The following ZNF726 variants were observed in gnomAD, a reference collection of about 807,000 sequenced individuals.
The protein encoded by ZNF726 is zinc finger protein 92 pseudogene 3.
ZNF726 carries 15 observed loss-of-function variants against 11.6 expected under a neutral mutation model. The ratio of observed to expected loss-of-function variants is 1.29; its 90% confidence interval spans 0.86 to 1.99. ZNF726 has a LOEUF of 1.99. ZNF726 is among the 30% of genes most tolerant of loss of function. The pLI is 0.00. For missense variants in ZNF726, 890 were observed against 725.6 expected, an observed-to-expected ratio of 1.23 and a Z score of -2.60; for synonymous variants, 295 against 243.6, an observed-to-expected ratio of 1.21 and a Z score of -1.96.
At chr19:23,934,794 C>T (rs1968200155), downstream of ZNF726, among the ~76,000 whole-genome samples, 1 of 152,210 alleles carries the variant, frequency 6.6e-6, no homozygotes, top group African/African-American at 2.4e-5. Flanking sequence ...AGAGTTACTA[C>T]CAGAATTCAA....
At chr19:23,942,661 T>G (rs1269858271) in intron 3 of ZNF726, among the ~76,000 whole-genome samples, 2 of 152,206 alleles carry the variant, frequency 1.3e-5, no homozygotes, top group Admixed American at 6.5e-5. Flanking sequence ...TGCATATATG[T>G]TTAGGATTGT....
At chr19:23,936,421 G>A (rs1271602528), downstream of ZNF726, among the ~76,000 whole-genome samples, 3 of 152,076 alleles carry the variant, frequency 2.0e-5, no homozygotes, top group Non-Finnish European at 4.4e-5. Flanking sequence ...TTTTAAAAAA[G>A]CAAATAATGG....
At chr19:23,923,184 T>C (rs1967895531) in intron 3 of ZNF726, among the ~76,000 whole-genome samples, 1 of 152,102 alleles carries the variant, frequency 6.6e-6, no homozygotes, top group Non-Finnish European at 1.5e-5. Flanking sequence ...CTAACCATAT[T>C]CTGCTAAATA....
chr19:23,941,213 T>C (rs773518107), intron 3 of ZNF726, among the ~76,000 whole-genome samples: 2 of 152,078 alleles, frequency 1.3e-5, no homozygotes, highest in Non-Finnish European at 2.9e-5. Flanking sequence ...TGTCAAATGG[T>C]TTTTCTGCAT....
intron 3 of ZNF726, 43 bp from the exon 4 acceptor site, chr19:23,932,300 G>A: frequency 1.6e-6 from 2 of 1,233,016 alleles, no homozygotes; most frequent in Non-Finnish European, 2.1e-6. Flanking sequence ...CTATATTTAT[G>A]TCAGTATAGT....
chr19:23,937,829 C>A (rs867955277), downstream of ZNF726, among the ~76,000 whole-genome samples: 1 of 152,206 alleles, frequency 6.6e-6, no homozygotes. Context: ...GCCGAGATCA[C>A]GCCACTGCAC....
In ZNF726 at chr19:23,932,683, C is replaced by T. The variant is rs1404440246; in HGVS notation, c.567C>T (p.Thr189=). The T allele has an allele frequency of 1.3e-6, 2 of 1,589,966 alleles. No individual in the cohort carries two copies. Among genetic ancestry groups the T allele is most frequent in the African/African-American group, 2.7e-5 (2 of 73,556 alleles). ...CATTTTGCATGTTTTCACACAAAACCCAGCATAAAAGCATATATACTACAG... is the reference window on the plus strand; with the variant it reads ...CATTTTGCATGTTTTCACACAAAACTCAGCATAAAAGCATATATACTACAG... ...VKSFCMFSHK[T]QHKSIYTTEK... The change falls in exon 4 of 4, where the codon ACC becomes ACT. Residue 189 remains threonine, a synonymous_variant. Coordinates refer to ENST00000594466, the MANE Select transcript of ZNF726 (RefSeq NM_001244038.2).
chr19:23,942,485 G>A (rs6511675), intron 3 of ZNF726, among the ~76,000 whole-genome samples: 141,851 of 152,290 alleles, frequency 0.93, 66,190 homozygotes, highest in East Asian at 1. Context: ...CATGTGTTCC[G>A]GGGTATAGTT....
rs772372346 is a variant in ZNF726 at position 23,934,005 on chromosome 19, T to G, written c.*38T>G. The G allele has an allele frequency of 3.2e-6, 5 of 1,580,752 alleles. No homozygotes were observed. The South Asian group carries it at 5.7e-5, about 18-fold the overall frequency. On this transcript the variant is annotated 3_prime_UTR_variant, in exon 4 of 4. Transcript: ENST00000594466. Reference sequence around the variant, plus strand: ...AAAGGGTAAAGAATGTGGCAAAGCATTTATATGGTCCTCAACGCTAAACAT... The same window carrying G: ...AAAGGGTAAAGAATGTGGCAAAGCAGTTATATGGTCCTCAACGCTAAACAT...
downstream of ZNF726, among the ~76,000 whole-genome samples, chr19:23,937,250 C>A (rs1599473839): frequency 6.6e-6 from 1 of 151,264 alleles, no homozygotes. Context: ...CCCCCACCTC[C>A]CTCCCAGCCG....
intron 1 of ZNF726, among the ~76,000 whole-genome samples, chr19:23,918,088 A>G (rs1314704867): frequency 6.6e-6 from 1 of 152,140 alleles, no homozygotes; most frequent in Non-Finnish European, 1.5e-5. Context: ...CAGGAAGATC[A>G]GTTTCGGTGG....
At chr19:23,944,384 T>A (rs566529256) in intron 4 of ZNF726, 1 of 152,320 alleles carries the variant, frequency 6.6e-6, no homozygotes, top group South Asian at 2.1e-4. Context: ...GATGAGACTT[T>A]TAAATCAAAT....
intron 3 of ZNF726, among the ~76,000 whole-genome samples, chr19:23,924,639 G>C (rs1216162643): frequency 6.6e-6 from 1 of 152,130 alleles, no homozygotes; most frequent in African/African-American, 2.4e-5. Flanking sequence ...TGTAAAACCA[G>C]GATTTTGAGA....
downstream of ZNF726, among the ~76,000 whole-genome samples, chr19:23,936,715 T>C (rs1422592971): frequency 6.6e-6 from 1 of 151,840 alleles, no homozygotes; most frequent in Non-Finnish European, 1.5e-5. Flanking sequence ...AAACTTTTTT[T>C]TTTTCATGGC....
intron 3 of ZNF726, among the ~76,000 whole-genome samples, chr19:23,922,110 G>A (rs1223845066): frequency 6.6e-6 from 1 of 152,184 alleles, no homozygotes; most frequent in African/African-American, 2.4e-5. Flanking sequence ...TTGCACAAGG[G>A]TCCACTTTTA....
chr19:23,923,080 G>A (rs1188632145), intron 3 of ZNF726, among the ~76,000 whole-genome samples: 1 of 151,866 alleles, frequency 6.6e-6, no homozygotes, highest in African/African-American at 2.4e-5. Context: ...ACGCAGGCAG[G>A]CAAAAAGGAA....
chr19:23,934,716 A>C (rs1015238389), downstream of ZNF726, among the ~76,000 whole-genome samples: 2 of 152,196 alleles, frequency 1.3e-5, no homozygotes, highest in African/African-American at 4.8e-5. Flanking sequence ...GATCTCAGGG[A>C]TATTTCTTGA....
In ZNF726 at chr19:23,933,700, G is replaced by A. The variant is rs559878873; in HGVS notation, c.1584G>A (p.Lys528=). The A allele has an allele frequency of 4.3e-5, 70 of 1,612,396 alleles. 1 individual carries two copies. The South Asian group carries it at 7.1e-4, about 16-fold the overall frequency. Reference sequence around the variant, plus strand: ...TGTCCTCGACCCTATCTAAACATAAGAGGATTCACACTGGAGAGAAACCCT... The same window carrying A: ...TGTCCTCGACCCTATCTAAACATAAAAGGATTCACACTGGAGAGAAACCCT... ...FILSSTLSKH[K]RIHTGEKPYK... is the part of the protein sequence containing the mutation. Residue 528 remains lysine, a synonymous_variant, in exon 4 of 4, where the codon AAG becomes AAA. Coordinates refer to ENST00000594466, the MANE Select transcript of ZNF726 (RefSeq NM_001244038.2).
chr19:23,936,835 GAA>G (rs1315155821), downstream of ZNF726, among the ~76,000 whole-genome samples: 1 of 151,832 alleles, frequency 6.6e-6, no homozygotes, highest in African/African-American at 2.4e-5. Context: ...AGAACAAAAT[GAA>G]AAGTCTCCCA....
Sources: allele counts gnomAD v4.1 joint callset (sites outside exome capture counted in the v4.1 genomes callset), GRCh38; gene constraint gnomAD v4.1.1; transcripts MANE v1.5; gene names NCBI Gene and HGNC (gene_info 2026-07-23, HGNC 2026-07-21).